The following TRPM3 variants were observed in gnomAD, a reference collection of about 807,000 sequenced individuals.
The protein encoded by TRPM3 is long transient receptor potential channel 3.
In TRPM3, 77 loss-of-function variants were observed where a neutral mutation model predicts 181.2. That is an observed-to-expected ratio of 0.42 (90% confidence interval 0.35 to 0.51). TRPM3 has a LOEUF of 0.51. Ranked by LOEUF, TRPM3 falls within the 20% of genes least tolerant of loss-of-function variation. The probability of loss-of-function intolerance (pLI) is 0.01; values close to 1 mark genes in which losing one functional copy is unlikely to be tolerated. For synonymous variants in TRPM3, 745 were observed against 796.4 expected (o/e 0.94, Z 1.09); for missense variants, 1,759 against 2,196.7 (o/e 0.80, Z 3.98).
chr9:70,645,359 A>G (rs2058671850), intron 9 of TRPM3, among the ~76,000 whole-genome samples: 1 of 134,832 alleles, frequency 7.4e-6, no homozygotes, highest in Admixed American at 7.3e-5. Context: ...ACCAAAACAG[A>G]TATATATATC....
At chr9:71,275,935 G>T (rs946209669) in intron 1 of TRPM3, among the ~76,000 whole-genome samples, 1 of 151,008 alleles carries the variant, frequency 6.6e-6, no homozygotes, top group Non-Finnish European at 1.5e-5. Context: ...TCCACCTCCC[G>T]GGTTCACGCC....
chr9:70,536,571 G>T lies in TRPM3; in HGVS notation c.4542C>A (p.Ser1514Arg). The part of the protein sequence containing the change: ...MYHTIERSKS[S>R]RYLATTPFLL... ...GAAAGGGTGTGGTGGCTAGGTAGCG[G>T]CTACTTTTGGAACGCTCAATGGTGT... Residue 1514 changes from serine to arginine, a missense_variant, in exon 26 of 26, where the codon AGC becomes AGA. Around this residue, in one of 8 missense-constraint regions of TRPM3, gnomAD observed 612 missense variants for 590.0 expected, o/e 1.04. Transcript: ENST00000677713. 1 of 1,614,134 alleles carries T rather than the reference G, an allele frequency of 6.2e-7. No homozygotes were observed. The highest frequency in any genetic ancestry group is 1.1e-5 in the South Asian group (1 of 91,078).
At chr9:71,140,435 C>T (rs533148534) in intron 1 of TRPM3, among the ~76,000 whole-genome samples, 31 of 152,214 alleles carry the variant, frequency 2.0e-4, no homozygotes, top group African/African-American at 7.2e-4. Context: ...AGCTATTTCC[C>T]TTCCTTTGTT....
At chr9:71,096,558 A>G (rs1352841763) in intron 1 of TRPM3, among the ~76,000 whole-genome samples, 2 of 116,010 alleles carry the variant, frequency 1.7e-5, no homozygotes, top group Non-Finnish European at 1.8e-5. Context: ...CTGTGAGCGC[A>G]TGCACACACA....
chr9:70,659,708 T>G (rs1305107821), intron 9 of TRPM3, among the ~76,000 whole-genome samples: 1 of 152,168 alleles, frequency 6.6e-6, no homozygotes, highest in East Asian at 1.9e-4. Context: ...TGGACTGAAT[T>G]CTAATTTTTC....
At chr9:71,408,119 G>A (rs2093471927) in intron 1 of TRPM3, among the ~76,000 whole-genome samples, 2 of 152,100 alleles carry the variant, frequency 1.3e-5, no homozygotes, top group Non-Finnish European at 2.9e-5. Context: ...AAAGACCAAA[G>A]GTAGATAAAA....
chr9:71,233,447 T>C (rs1272368455), intron 1 of TRPM3, among the ~76,000 whole-genome samples: 1 of 152,216 alleles, frequency 6.6e-6, no homozygotes, highest in Admixed American at 6.5e-5. Flanking sequence ...ATTCTTGGTA[T>C]AGGTATTGTA....
intron 7 of TRPM3, among the ~76,000 whole-genome samples, chr9:70,765,350 G>A (rs953296579): frequency 3.3e-5 from 5 of 152,176 alleles, no homozygotes; most frequent in Admixed American, 6.6e-5. Context: ...CAGCACTTTG[G>A]AAGCCAGAGG....
chr9:70,801,372 G>C (rs995406018), intron 6 of TRPM3, among the ~76,000 whole-genome samples: 1 of 152,110 alleles, frequency 6.6e-6, no homozygotes, highest in Non-Finnish European at 1.5e-5. Context: ...AATCACAGCT[G>C]TTCATTATCA....
chr9:71,004,743 A>G (rs2097655102), intron 1 of TRPM3, among the ~76,000 whole-genome samples: 2 of 152,212 alleles, frequency 1.3e-5, no homozygotes, highest in Non-Finnish European at 2.9e-5. Context: ...GAAATTTTGA[A>G]ATATCCAGAA....
At chr9:70,601,145 C>A (rs1239939304) in intron 20 of TRPM3, among the ~76,000 whole-genome samples, 1 of 152,082 alleles carries the variant, frequency 6.6e-6, no homozygotes, top group Admixed American at 6.6e-5. Flanking sequence ...TTGCTAAAAC[C>A]CTGAGTCTCA....
intron 12 of TRPM3, among the ~76,000 whole-genome samples, 155 bp downstream of exon 12, chr9:70,635,056 C>T (rs1276382120): frequency 9.2e-6 from 1 of 108,828 alleles, no homozygotes; most frequent in Non-Finnish European, 1.8e-5. Context: ...AGTTAAAAGA[C>T]ACATACACAC....
chr9:70,701,642 C>T (rs1057282029), intron 8 of TRPM3, among the ~76,000 whole-genome samples: 1 of 152,092 alleles, frequency 6.6e-6, no homozygotes, highest in Non-Finnish European at 1.5e-5. Flanking sequence ...TTAGGGATTG[C>T]CATATTCTTA....
At chr9:71,034,327 G>A (rs2057914334) in intron 1 of TRPM3, among the ~76,000 whole-genome samples, 1 of 152,038 alleles carries the variant, frequency 6.6e-6, no homozygotes, top group Non-Finnish European at 1.5e-5. Context: ...TTTATTAACT[G>A]AATATGTTTC....
intron 1 of TRPM3, among the ~76,000 whole-genome samples, chr9:71,385,188 C>A (rs1192268993): frequency 6.6e-6 from 1 of 152,140 alleles, no homozygotes; most frequent in East Asian, 1.9e-4. Context: ...GGTTCCAGAA[C>A]ATGAGAAGGT....
At chr9:71,399,600 C>T (rs2093292285) in intron 1 of TRPM3, among the ~76,000 whole-genome samples, 1 of 134,994 alleles carries the variant, frequency 7.4e-6, no homozygotes, top group South Asian at 2.4e-4. Flanking sequence ...ATGATCTTGG[C>T]TCACTGCAAG....
At chr9:70,663,758 C>T (rs1328514634) in intron 9 of TRPM3, among the ~76,000 whole-genome samples, 1 of 152,154 alleles carries the variant, frequency 6.6e-6, no homozygotes. Context: ...TCTTGGAGAA[C>T]TGAATAAGAT....
chr9:71,388,181 T>C (rs2092972649), intron 1 of TRPM3, among the ~76,000 whole-genome samples: 1 of 152,174 alleles, frequency 6.6e-6, no homozygotes, highest in Non-Finnish European at 1.5e-5. Flanking sequence ...AGGAAAAAAC[T>C]TTCCTTGAAG....
chr9:70,955,975 C>T (rs1011936942), intron 1 of TRPM3, among the ~76,000 whole-genome samples: 5 of 152,174 alleles, frequency 3.3e-5, no homozygotes, highest in African/African-American at 1.2e-4. Context: ...GACAACCTTT[C>T]AGTGGCCAAT....
Sources: allele counts gnomAD v4.1 joint callset (sites outside exome capture counted in the v4.1 genomes callset), GRCh38; gene constraint gnomAD v4.1.1; regional missense constraint gnomAD v4.1.1; transcripts MANE v1.5; gene names NCBI Gene and HGNC (gene_info 2026-07-23, HGNC 2026-07-21).